FGF14: variants seen among roughly 807,000 people sequenced by gnomAD.
The protein encoded by FGF14 is fibroblast growth factor homologous factor 4.
A neutral mutation model predicts 25.5 loss-of-function variants in FGF14; 5 were observed. That is an observed-to-expected ratio of 0.20 (90% confidence interval 0.10 to 0.41). FGF14 has a LOEUF of 0.41. FGF14 is among the 10% of genes least tolerant of loss of function. The pLI is 1.00. For missense variants in FGF14, 222 were observed against 320.1 expected, an observed-to-expected ratio of 0.69 and a Z score of 2.34; for synonymous variants, 138 against 118.3, an observed-to-expected ratio of 1.17 and a Z score of -1.08.
chr13:101,990,369 A>G (rs1338218664), intron 1 of FGF14, among the ~76,000 whole-genome samples: 3 of 152,258 alleles, frequency 2.0e-5, no homozygotes, highest in East Asian at 3.9e-4. Context: ...TTAGTGGCAT[A>G]CGCCTATATA....
At chr13:102,341,078 C>A (rs756576897) in intron 1 of FGF14, among the ~76,000 whole-genome samples, 1 of 151,988 alleles carries the variant, frequency 6.6e-6, no homozygotes, top group Non-Finnish European at 1.5e-5. Context: ...TTTCACTGTA[C>A]CTTCAGGGCA....
chr13:102,272,174 C>T (rs891078002), intron 1 of FGF14, among the ~76,000 whole-genome samples: 1 of 152,126 alleles, frequency 6.6e-6, no homozygotes, highest in Non-Finnish European at 1.5e-5. Context: ...AGTGCTGTAG[C>T]CTTTTTACCG....
chr13:102,293,333 C>CA (rs1372604885), intron 1 of FGF14: 1 of 152,172 alleles, frequency 6.6e-6, no homozygotes. Flanking sequence ...TCAGCACTCT[C>CA]AAAAAATGAC....
chr13:101,912,697 A>T (rs1033598410), intron 1 of FGF14, among the ~76,000 whole-genome samples: 1 of 152,182 alleles, frequency 6.6e-6, no homozygotes. Context: ...ACAAATATGT[A>T]ATCCCTCTAA....
In FGF14 at chr13:102,352,974, G is replaced by C. The variant is rs566218924; in HGVS notation, c.208+48497C>G. Among the ~76,000 whole-genome samples the C allele has an allele frequency of 1.9e-3, 294 of 152,162 alleles. 1 individual carries two copies. The highest frequency in any genetic ancestry group is 6.7e-3 in the African/African-American group (280 of 41,512). On this transcript the variant is annotated intron_variant, in intron 1 of 4. Coordinates refer to the FGF14 transcript ENST00000376131. ...TGCGCACCTCTGCTATCCTGAAAGA[G>C]TCTTGAATCAAGAGTTTAGATTTAC...
At chr13:101,751,566 C>G (rs921706376) in intron 3 of FGF14, among the ~76,000 whole-genome samples, 3 of 151,954 alleles carry the variant, frequency 2.0e-5, no homozygotes, top group African/African-American at 7.3e-5. Flanking sequence ...TTTAAAAGCC[C>G]AGGTTGACGA....
At chr13:102,206,735 C>A (rs1343934164) in intron 1 of FGF14, among the ~76,000 whole-genome samples, 1 of 152,034 alleles carries the variant, frequency 6.6e-6, no homozygotes, top group Non-Finnish European at 1.5e-5. Flanking sequence ...TTTGCAGAAA[C>A]AACAGATGAA....
At chr13:101,978,627 T>C (rs911361517) in intron 1 of FGF14, among the ~76,000 whole-genome samples, 4 of 152,234 alleles carry the variant, frequency 2.6e-5, no homozygotes, top group Non-Finnish European at 4.4e-5. Context: ...AGACTAGGGA[T>C]ACATCTCCAA....
chr13:101,828,623 G>T (rs2146695), intron 3 of FGF14, among the ~76,000 whole-genome samples: 1 of 151,630 alleles, frequency 6.6e-6, no homozygotes, highest in Non-Finnish European at 1.5e-5. Context: ...TTCCACATAT[G>T]CACACGGCTA....
Position 101,714,785 on chromosome 13 carries a change from T to G in FGF14, c.*8046A>C. ...TAAATTTTGTGATTATTTGGGATCC[T>G]TCCACAAAGTAACCTCCCCACCCTC... On this transcript the variant is annotated 3_prime_UTR_variant, in exon 5 of 5. Transcript: ENST00000376143. 3 of 503,242 alleles carry G rather than the reference T, an allele frequency of 6.0e-6. No homozygotes were observed. The highest frequency in any genetic ancestry group is 3.3e-5 in the East Asian group (1 of 30,232). The allele number at this position is 503,242 out of a possible 1,614,324, so 31.2% of individuals were successfully genotyped here.
At chr13:101,898,874 A>C (rs1293982367) in intron 1 of FGF14, among the ~76,000 whole-genome samples, 1 of 152,170 alleles carries the variant, frequency 6.6e-6, no homozygotes, top group African/African-American at 2.4e-5. Flanking sequence ...GAAGAAAGGA[A>C]AACATATGGA....
intron 1 of FGF14, among the ~76,000 whole-genome samples, chr13:101,969,740 A>C (rs1320944584): frequency 6.6e-6 from 1 of 152,188 alleles, no homozygotes; most frequent in East Asian, 1.9e-4. Context: ...TAGAGTAGAA[A>C]AGTGGCATCC....
At chr13:102,335,804 G>A (rs557878630) in intron 1 of FGF14, among the ~76,000 whole-genome samples, 1 of 152,282 alleles carries the variant, frequency 6.6e-6, no homozygotes, top group East Asian at 1.9e-4. Flanking sequence ...TCACATTCCA[G>A]TAATTCTTGC....
intron 3 of FGF14, among the ~76,000 whole-genome samples, chr13:101,816,017 T>C (rs1182151558): frequency 6.9e-6 from 1 of 145,382 alleles, no homozygotes. Context: ...CACGCCTGTA[T>C]CCTAGCACTT....
At chr13:102,361,732 C>A (rs1041376752) in intron 1 of FGF14, among the ~76,000 whole-genome samples, 1 of 152,140 alleles carries the variant, frequency 6.6e-6, no homozygotes, top group African/African-American at 2.4e-5. Context: ...GAATTCTAGA[C>A]CCTTAAAACA....
intron 1 of FGF14, among the ~76,000 whole-genome samples, chr13:102,330,745 C>A (rs901432500): frequency 6.6e-6 from 1 of 152,130 alleles, no homozygotes; most frequent in South Asian, 2.1e-4. Context: ...ATCATCACTC[C>A]CTCCTCCCTT....
intron 3 of FGF14, among the ~76,000 whole-genome samples, chr13:101,778,395 T>C (rs1314413293): frequency 2.0e-5 from 3 of 152,112 alleles, no homozygotes; most frequent in South Asian, 2.1e-4. Flanking sequence ...CTTGTGTAAG[T>C]AGCTCACCTA....
At chr13:102,338,680 A>G (rs1422890668) in intron 1 of FGF14, among the ~76,000 whole-genome samples, 1 of 152,206 alleles carries the variant, frequency 6.6e-6, no homozygotes, top group Non-Finnish European at 1.5e-5. Flanking sequence ...TGTTGTGCCC[A>G]TGAATTAAAA....
At chr13:101,857,739 T>C (rs906506542) in intron 3 of FGF14, among the ~76,000 whole-genome samples, 9 of 152,064 alleles carry the variant, frequency 5.9e-5, no homozygotes, top group African/African-American at 2.2e-4. Context: ...CTCTAAGCTC[T>C]AGAATGTGTT....
Sources: gnomAD v4.1 joint callset for allele counts (sites outside exome capture counted in the v4.1 genomes callset) on GRCh38, gnomAD v4.1.1 for gene constraint, MANE v1.5 for transcripts, NCBI Gene and HGNC (gene_info 2026-07-23, HGNC 2026-07-21) for gene names.